The following STX12 variants were observed in gnomAD, a reference collection of about 807,000 sequenced individuals.
STX12 encodes syntaxin-12.
In STX12, 17 loss-of-function variants were observed where a neutral mutation model predicts 42.2. The observed-to-expected ratio is 0.40, with a 90% confidence interval of 0.28 to 0.60. The LOEUF (loss-of-function observed/expected upper bound fraction) is 0.60. Among genes scored for constraint, STX12 ranks in the 20% least tolerant of loss-of-function variants. The pLI, the probability that STX12 is intolerant of heterozygous loss-of-function variation, is 0.39. For synonymous variants in STX12, 108 were observed against 116.7 expected (o/e 0.93, Z 0.48); for missense variants, 297 against 330.9 (o/e 0.90, Z 0.79).
At chr1:27,816,834 T>G (rs1274748751) in intron 6 of STX12, among the ~76,000 whole-genome samples, 5 of 151,056 alleles carry the variant, frequency 3.3e-5, no homozygotes, top group African/African-American at 2.4e-5. Flanking sequence ...GTGAATTGCT[T>G]GAATCCGGGA....
At chr1:27,819,451 T>C (rs1227095343) in intron 7 of STX12, among the ~76,000 whole-genome samples, 199 bp from the exon 8 acceptor site, 1 of 151,626 alleles carries the variant, frequency 6.6e-6, no homozygotes, top group African/African-American at 2.4e-5. Flanking sequence ...GTAAGTTAAA[T>C]ACTTCATAGC....
intron 4 of STX12, among the ~76,000 whole-genome samples, chr1:27,806,316 G>A (rs775065245): frequency 4.6e-5 from 7 of 152,052 alleles, no homozygotes; most frequent in Admixed American, 3.3e-4. Context: ...ATATGTATAC[G>A]TTTATGAAAG....
chr1:27,780,772 C>T (rs1272976746), intron 1 of STX12, among the ~76,000 whole-genome samples: 1 of 151,696 alleles, frequency 6.6e-6, no homozygotes, highest in Non-Finnish European at 1.5e-5. Context: ...GGCAACTTGG[C>T]GAAACCCTGG....
intron 1 of STX12, among the ~76,000 whole-genome samples, chr1:27,789,348 T>C (rs2088722037): frequency 6.6e-6 from 1 of 152,196 alleles, no homozygotes; most frequent in Non-Finnish European, 1.5e-5. Flanking sequence ...CACCTTCTAC[T>C]TTGTGACACA....
At chr1:27,782,690 G>A (rs1315651671) in intron 1 of STX12, among the ~76,000 whole-genome samples, 1 of 152,038 alleles carries the variant, frequency 6.6e-6, no homozygotes, top group East Asian at 1.9e-4. Context: ...ATACAAATTA[G>A]CCCGGCATGG....
Position 27,822,241 on chromosome 1 carries a change from G to A in STX12, c.743G>A (p.Arg248His), listed in dbSNP as rs201468671. Reference sequence around the variant, plus strand: ...TATTTCTTTCCTCAGAAAAAATCTCGCAAGAAGATGTGTATCCTGGTGCTT... The same window carrying A: ...TATTTCTTTCCTCAGAAAAAATCTCACAAGAAGATGTGTATCCTGGTGCTT... ...QRAAYYQKKS[R>H]KKMCILVLVL... is the part of the protein sequence containing the mutation. The change falls in exon 9 of 9, where the codon CGC becomes CAC. Residue 248 changes from arginine to histidine, a missense_variant. By Grantham distance (29) the Arg-to-His change is conservative. Transcript: ENST00000373943. The A allele has an allele frequency of 1.2e-5, 19 of 1,609,032 alleles. No individual in the cohort carries two copies. Among genetic ancestry groups the A allele is most frequent in the Admixed American group, 1.7e-5 (1 of 59,964 alleles).
intron 4 of STX12, 61 bp downstream of exon 4, chr1:27,801,876 G>T: frequency 1.3e-6 from 2 of 1,537,180 alleles, no homozygotes; most frequent in South Asian, 1.3e-5. Context: ...CAAGTTTGTG[G>T]GTTTTTTTCT....
chr1:27,793,743 C>A, intron 3 of STX12, 111 bp downstream of exon 3: 1 of 711,842 alleles, frequency 1.4e-6, no homozygotes, highest in South Asian at 1.8e-5. Context: ...ATAGATAGAC[C>A]TCCTCTGCAC....
intron 3 of STX12, among the ~76,000 whole-genome samples, chr1:27,800,442 G>A (rs2088819459): frequency 6.6e-6 from 1 of 151,896 alleles, no homozygotes; most frequent in South Asian, 2.1e-4. Flanking sequence ...TCAGGGGTGA[G>A]TTTTTACTTC....
chr1:27,804,549 C>T (rs570520149), intron 4 of STX12, among the ~76,000 whole-genome samples: 9 of 149,960 alleles, frequency 6.0e-5, no homozygotes, highest in South Asian at 2.1e-4. Flanking sequence ...TGGTGGCTCA[C>T]GCCTGTAATC....
rs7534966 is a variant in STX12 at position 27,801,901 on chromosome 1, A to G, written c.426+86A>G. The G allele has an allele frequency of 8.3e-3, 12,379 of 1,495,844 alleles. 894 individuals are homozygous for G. The African/African-American group carries it at 0.16, about 19-fold the overall frequency. The allele number at this position is 1,495,844 out of a possible 1,614,324, so 92.7% of individuals were successfully genotyped here. ...GGTTTTTTTCTTTTTCTCTTTGACC[A>G]ATAAACATGTAAGTTAGCTGCTGTG... On this transcript the variant is annotated intron_variant, in intron 4 of 8. Transcript: ENST00000373943.
At chr1:27,820,923 A>G (rs1404488922) in intron 8 of STX12, among the ~76,000 whole-genome samples, 16 of 151,618 alleles carry the variant, frequency 1.1e-4, no homozygotes, top group Admixed American at 1.1e-3. Flanking sequence ...CTATTGCAAG[A>G]ACAAAAAACC....
chr1:27,799,845 T>C (rs1454796327), intron 3 of STX12, among the ~76,000 whole-genome samples: 1 of 151,782 alleles, frequency 6.6e-6, no homozygotes, highest in Non-Finnish European at 1.5e-5. Context: ...CTCCACCTCC[T>C]GGTTCAAGCA....
Position 27,810,326 on chromosome 1 carries a change from A to G in STX12, c.470+37A>G, listed in dbSNP as rs2088894438. On this transcript the variant is annotated intron_variant, in intron 5 of 8. Coordinates refer to ENST00000373943, the MANE Select transcript of STX12 (RefSeq NM_177424.3). ...ATTCATACAACCTGCTGGATAGTTG[A>G]GATGGGAATCTATCTCGTTATATTT... 4 of 1,569,454 alleles carry G rather than the reference A, an allele frequency of 2.5e-6. No homozygotes were observed. In the Admixed American group the frequency reaches 6.7e-5, roughly 26 times the overall value.
At position 27,819,664 on chromosome 1, in the gene STX12, A is replaced by G. The variant is rs749719506; in HGVS notation, c.664A>G (p.Asn222Asp). 2.5e-6 allele frequency: 4 copies of G among 1,613,882 alleles called. No individual in the cohort carries two copies. The highest frequency in any genetic ancestry group is 3.4e-6 in the Non-Finnish European group (4 of 1,179,810). The change falls in exon 8 of 9, where the codon AAT becomes GAT. Residue 222 changes from asparagine (N) to aspartate (D), a missense_variant. Physicochemically the swap from Asn to Asp is conservative, Grantham distance 23. Transcript: ENST00000373943. ...TCCTTTTGCAGATAGCATAGAAGCC[A>G]ATGTGGAAAGCTCAGAGGTGCACGT... ...QGDLIDSIEA[N>D]VESSEVHVER... is the part of the protein sequence containing the mutation.
intron 4 of STX12, among the ~76,000 whole-genome samples, chr1:27,803,390 G>A (rs924730963): frequency 3.1e-4 from 47 of 152,304 alleles, no homozygotes; most frequent in African/African-American, 1.0e-3. Flanking sequence ...AACAACAGTG[G>A]AAGCCAGTAG....
rs1320162063 is a variant in STX12 at position 27,773,320 on chromosome 1, C to G, written c.13C>G (p.Pro5Ala). 1.2e-6 allele frequency: 2 copies of G among 1,609,396 alleles called. No homozygotes were observed. The highest frequency in any genetic ancestry group is 1.7e-6 in the Non-Finnish European group (2 of 1,177,260). Residue 5 changes from proline (P) to alanine (A), a missense_variant, in exon 1 of 9, where the codon CCC becomes GCC. Physicochemically the swap from Pro to Ala is conservative, Grantham distance 27. Coordinates refer to ENST00000373943, the MANE Select transcript of STX12 (RefSeq NM_177424.3). ...TCAGCTCCTCGTCATGTCATACGGT[C>G]CCTTAGACATGTACCGGAACCCGGG... MSYG[P>A]LDMYRNPGPS...
At position 27,824,237 on chromosome 1, in the gene STX12, A is replaced by G. The variant is rs956714959; in HGVS notation, c.*1908A>G. ...ATCATTTGTAACATTGTAGGAAAGA[A>G]AAAAGTCTTGGTTGTGAAAAACGAT... is the stretch of plus-strand genomic sequence containing the variant. On this transcript the variant is annotated 3_prime_UTR_variant, in exon 9 of 9. Coordinates refer to ENST00000373943, the MANE Select transcript of STX12 (RefSeq NM_177424.3). 2.0e-5 allele frequency: 3 copies of G among 152,208 alleles called. No individual in the cohort carries two copies. The highest frequency in any genetic ancestry group is 6.5e-5 in the Admixed American group (1 of 15,274). 9.4% of individuals were successfully genotyped at this position (152,208 alleles called of 1,614,324 possible).
At chr1:27,786,016 A>G (rs2088696129) in intron 1 of STX12, among the ~76,000 whole-genome samples, 1 of 152,212 alleles carries the variant, frequency 6.6e-6, no homozygotes, top group African/African-American at 2.4e-5. Flanking sequence ...TTTTTCCTGT[A>G]AGAGTCAGCC....
Sources: allele counts gnomAD v4.1 joint callset (sites outside exome capture counted in the v4.1 genomes callset), GRCh38; gene constraint gnomAD v4.1.1; transcripts MANE v1.5; gene names NCBI Gene and HGNC (gene_info 2026-07-23, HGNC 2026-07-21).